The following ITPR2 variants were observed in gnomAD, a reference collection of about 807,000 sequenced individuals.
ITPR2 encodes inositol 1,4,5-trisphosphate receptor type 2.
In ITPR2, 207 loss-of-function variants were observed where a neutral mutation model predicts 317.1. The ratio of observed to expected loss-of-function variants is 0.65; its 90% CI spans 0.58 to 0.73. The LOEUF is 0.73. ITPR2 is among the 30% of genes least tolerant of loss of function. ITPR2 has a pLI of 0.00. For synonymous variants in ITPR2, 1,156 were observed against 1,149.1 expected, an observed-to-expected ratio of 1.01 and a Z score of -0.12; for missense variants, 2,613 against 3,284.0, an observed-to-expected ratio of 0.80 and a Z score of 4.99.
intron 56 of ITPR2, 66 bp from the exon 57 acceptor site, chr12:26,339,549 C>A (rs1938035132): frequency 2.4e-6 from 3 of 1,266,194 alleles, no homozygotes; most frequent in Admixed American, 1.8e-5. Context: ...TGGTGGGCCA[C>A]AACCGTTTTG....
At position 26,597,047 on chromosome 12, in the gene ITPR2, C is replaced by G. The variant is rs1565629361; in HGVS notation, c.4090G>C (p.Asp1364His). Residue 1364 changes from aspartate (D) to histidine (H), a missense_variant, in exon 31 of 57, where the codon GAC becomes CAC. Transcript: ENST00000381340. The part of the protein sequence containing the change: ...ILLHMMCSER[D>H]RGDESGPLAY... ...AAGGGGCCACTCTCATCCCCTCGGTCTCTCTCTGAACACATCATATGGAGA... is the reference window on the plus strand; with the variant it reads ...AAGGGGCCACTCTCATCCCCTCGGTGTCTCTCTGAACACATCATATGGAGA... 6.2e-7 allele frequency: 1 copy of G among 1,614,106 alleles called. No individual in the cohort carries two copies. The highest frequency in any genetic ancestry group is 8.5e-7 in the Non-Finnish European group (1 of 1,180,004).
intron 2 of ITPR2, among the ~76,000 whole-genome samples, chr12:26,765,207 A>C (rs186967522): frequency 9.2e-5 from 14 of 152,168 alleles, no homozygotes; most frequent in Admixed American, 8.5e-4. Flanking sequence ...TGATACTCTT[A>C]TTTGCCTTGA....
intron 26 of ITPR2, among the ~76,000 whole-genome samples, chr12:26,606,600 A>G (rs79338516): frequency 2.0e-3 from 306 of 149,356 alleles, no homozygotes; most frequent in African/African-American, 7.4e-3. Flanking sequence ...CAAAAATTAT[A>G]TAAGAAAGTA....
intron 55 of ITPR2, among the ~76,000 whole-genome samples, chr12:26,348,751 G>A (rs376397115): frequency 3.3e-5 from 5 of 152,296 alleles, no homozygotes; most frequent in East Asian, 1.9e-4. Flanking sequence ...AACTTTGGGA[G>A]CCAAGGTGGG....
At chr12:26,474,771 G>A (rs1193152012) in intron 45 of ITPR2, among the ~76,000 whole-genome samples, 25 of 137,294 alleles carry the variant, frequency 1.8e-4, no homozygotes, top group Non-Finnish European at 1.5e-5. Flanking sequence ...TCCAGCCTGG[G>A]CGACAGAGCG....
At chr12:26,668,894 G>A (rs919983301) in intron 13 of ITPR2, among the ~76,000 whole-genome samples, 1 of 152,134 alleles carries the variant, frequency 6.6e-6, no homozygotes, top group African/African-American at 2.4e-5. Context: ...GTTGAGGCAG[G>A]GGGATTGCTT....
intron 1 of ITPR2, chr12:26,800,944 G>C (rs1273138574): frequency 6.2e-6 from 1 of 162,046 alleles, no homozygotes; most frequent in Non-Finnish European, 1.4e-5. Context: ...AACTGATTGA[G>C]AGACCACTCG....
At chr12:26,576,561 C>T (rs577102797) in intron 34 of ITPR2, among the ~76,000 whole-genome samples, 1 of 152,282 alleles carries the variant, frequency 6.6e-6, no homozygotes, top group African/African-American at 2.4e-5. Context: ...CCATGGCGCT[C>T]CAGAATGTGG....
chr12:26,425,411 G>T (rs552703611), intron 49 of ITPR2, among the ~76,000 whole-genome samples: 2 of 152,202 alleles, frequency 1.3e-5, no homozygotes, highest in Admixed American at 1.3e-4. Context: ...GCTCACGCAT[G>T]TAATCCCAGC....
intron 45 of ITPR2, among the ~76,000 whole-genome samples, chr12:26,465,267 T>C (rs1019964495): frequency 1.3e-5 from 2 of 152,120 alleles, no homozygotes; most frequent in Non-Finnish European, 2.9e-5. Context: ...GAGTGGCCAA[T>C]TGTGTCAAAT....
At chr12:26,438,008 A>G (rs1211690683) in intron 47 of ITPR2, among the ~76,000 whole-genome samples, 1 of 152,048 alleles carries the variant, frequency 6.6e-6, no homozygotes, top group African/African-American at 2.4e-5. Context: ...TCACTGCGTT[A>G]GCCAGGATGG....
intron 21 of ITPR2, among the ~76,000 whole-genome samples, chr12:26,646,109 T>A (rs1348642207): frequency 6.6e-6 from 1 of 152,000 alleles, no homozygotes; most frequent in Admixed American, 6.6e-5. Flanking sequence ...ACAGATATTT[T>A]CTAAAAAGGT....
At chr12:26,355,294 AG>A (rs1289277452) in intron 55 of ITPR2, among the ~76,000 whole-genome samples, 4 of 152,376 alleles carry the variant, frequency 2.6e-5, no homozygotes, top group Admixed American at 6.5e-5. Flanking sequence ...GGAGCATAAA[AG>A]GAGTGCTACT....
At chr12:26,369,127 A>T (rs1406416944) in intron 55 of ITPR2, among the ~76,000 whole-genome samples, 1 of 152,224 alleles carries the variant, frequency 6.6e-6, no homozygotes, top group Non-Finnish European at 1.5e-5. Flanking sequence ...AGCAAAGTCC[A>T]TGTAGCTGGA....
chr12:26,770,005 T>C (rs939200142), intron 2 of ITPR2, among the ~76,000 whole-genome samples: 19 of 152,282 alleles, frequency 1.2e-4, no homozygotes, highest in Non-Finnish European at 2.9e-5. Context: ...TAATAATGAA[T>C]ATAGCATAGA....
intron 54 of ITPR2, among the ~76,000 whole-genome samples, chr12:26,395,102 A>G (rs1268590819): frequency 6.6e-6 from 1 of 152,122 alleles, no homozygotes; most frequent in Admixed American, 6.5e-5. Context: ...GCCTGGGGAA[A>G]GGTTGGAGCT....
intron 2 of ITPR2, among the ~76,000 whole-genome samples, chr12:26,758,193 C>A (rs987176591): frequency 6.6e-6 from 1 of 152,144 alleles, no homozygotes; most frequent in Non-Finnish European, 1.5e-5. Flanking sequence ...CCATTTCTAA[C>A]CTTCTTACTT....
intron 54 of ITPR2, among the ~76,000 whole-genome samples, chr12:26,398,478 G>A (rs1361534156): frequency 6.6e-6 from 1 of 152,186 alleles, no homozygotes; most frequent in Non-Finnish European, 1.5e-5. Context: ...AAAACATAGT[G>A]ATGTCAGTGA....
At chr12:26,438,561 T>C (rs1160453282) in intron 47 of ITPR2, among the ~76,000 whole-genome samples, 1 of 152,212 alleles carries the variant, frequency 6.6e-6, no homozygotes, top group Non-Finnish European at 1.5e-5. Context: ...ACGTGGGACC[T>C]AAGAGATAGG....
Sources: gnomAD v4.1 joint callset for allele counts (sites outside exome capture counted in the v4.1 genomes callset) on GRCh38, gnomAD v4.1.1 for gene constraint, MANE v1.5 for transcripts, NCBI Gene and HGNC (gene_info 2026-07-23, HGNC 2026-07-21) for gene names.